Variants in TG observed in about 807,000 individuals in gnomAD.
The protein encoded by TG is thyroid hormones.
TG carries 270 observed loss-of-function variants against 324.7 expected under a neutral mutation model. The observed-to-expected ratio is 0.83, with a 90% confidence interval of 0.75 to 0.92. The LOEUF is 0.92. Ranked by LOEUF, TG falls within the 40% of genes least tolerant of loss-of-function variation. The pLI, the probability that TG is intolerant of heterozygous loss-of-function variation, is 0.00. For synonymous variants in TG, 1,401 were observed against 1,327.0 expected (o/e 1.06, Z -1.21); for missense variants, 3,591 against 3,456.4 (o/e 1.04, Z -0.98).
intron 43 of TG, among the ~76,000 whole-genome samples, chr8:133,100,559 A>G (rs1229427965): frequency 6.6e-6 from 1 of 152,204 alleles, no homozygotes; most frequent in Non-Finnish European, 1.5e-5. Context: ...GAAATAATTC[A>G]CCCTCACAAC....
chr8:133,097,613 A>G (rs528998552), intron 43 of TG, among the ~76,000 whole-genome samples: 2 of 152,372 alleles, frequency 1.3e-5, no homozygotes, highest in South Asian at 4.1e-4. Context: ...ACCAACCTGT[A>G]TATATCTTTA....
chr8:132,878,219 G>T (rs772412444), intron 5 of TG, among the ~76,000 whole-genome samples: 4 of 152,082 alleles, frequency 2.6e-5, no homozygotes, highest in Non-Finnish European at 4.4e-5. Context: ...TTGGTTCCTC[G>T]GGTCCTCATG....
At chr8:133,091,677 T>C (rs1847559780) in intron 41 of TG, among the ~76,000 whole-genome samples, 1 of 152,086 alleles carries the variant, frequency 6.6e-6, no homozygotes, top group African/African-American at 2.4e-5. Flanking sequence ...CGTGTGTGTC[T>C]CTGTGACTGT....
rs909277410 is a variant in TG at position 133,059,334 on chromosome 8, A to G, written c.7239+29311A>G. 6 of 357,116 alleles carry G rather than the reference A, an allele frequency of 1.7e-5. No individual in the cohort carries two copies. In the East Asian group the frequency reaches 4.4e-4, roughly 26 times the overall value. 22.1% of individuals were successfully genotyped at this position (357,116 alleles called of 1,614,324 possible). A position where few individuals can be genotyped will look rare whatever the true frequency, so the allele number is the denominator to read the frequency against. ...AGAATTATGGACTAGGAATCTGAGGAAATAAAGGTCAGGCCATTAGAAGGG... is the reference window on the plus strand; with the variant it reads ...AGAATTATGGACTAGGAATCTGAGGGAATAAAGGTCAGGCCATTAGAAGGG... On this transcript the variant is annotated intron_variant, in intron 41 of 47. Transcript: ENST00000220616.
At chr8:132,906,984 C>G in intron 17 of TG, 84 bp downstream of exon 17, 6 of 1,404,960 alleles carry the variant, frequency 4.3e-6, no homozygotes, top group East Asian at 5.0e-5. Flanking sequence ...CGTGGCTGCT[C>G]CATTTCCCCA....
In TG at chr8:133,013,616, G is replaced by A. The variant is rs1297682741; in HGVS notation, c.6414G>A (p.Glu2138=). The stretch of plus-strand genomic sequence containing the variant: ...TTTCTGCAGAATGTTCCCAACATGA[G>A]GCCTGTCTCATCACCACTCTGCAAA... ...DLCLSECSQH[E]ACLITTLQTQ... is the part of the protein sequence containing the mutation. The change falls in exon 37 of 48, where the codon GAG becomes GAA. Residue 2138 remains glutamate (E), a synonymous_variant. Coordinates refer to ENST00000220616, the MANE Select transcript of TG (RefSeq NM_003235.5). The A allele has an allele frequency of 6.2e-6, 10 of 1,614,214 alleles. No individual in the cohort carries two copies. Among genetic ancestry groups the A allele is most frequent in the Non-Finnish European group, 8.5e-6 (10 of 1,180,050 alleles).
At chr8:132,967,156 C>G (rs113344307) in intron 30 of TG, among the ~76,000 whole-genome samples, 10 of 142,718 alleles carry the variant, frequency 7.0e-5, no homozygotes, top group Admixed American at 5.5e-4. Flanking sequence ...CATCCATCCA[C>G]CCATCCAACC....
chr8:133,050,894 G>A (rs1482063424), intron 41 of TG: 2 of 1,613,126 alleles, frequency 1.2e-6, no homozygotes, highest in Non-Finnish European at 1.7e-6. Flanking sequence ...ACTTAGCACG[G>A]CAAGGAAGTC....
chr8:132,908,394 G>C, intron 18 of TG, 54 bp downstream of exon 18: 1 of 1,606,856 alleles, frequency 6.2e-7, no homozygotes. Flanking sequence ...CAGGGTTACG[G>C]TGTCAGAAAA....
chr8:132,978,322 AG>A (rs1435887246), intron 34 of TG, among the ~76,000 whole-genome samples: 1 of 152,194 alleles, frequency 6.6e-6, no homozygotes, highest in African/African-American at 2.4e-5. Flanking sequence ...CTGCGAGGAC[AG>A]TACCAAGCCA....
intron 22 of TG, among the ~76,000 whole-genome samples, chr8:132,924,785 C>T (rs1488786449): frequency 6.6e-6 from 1 of 152,144 alleles, no homozygotes; most frequent in African/African-American, 2.4e-5. Flanking sequence ...TCAGTTTCCC[C>T]CGTTGTAAGA....
chr8:132,899,653 T>A (rs979451594), intron 14 of TG, among the ~76,000 whole-genome samples: 14 of 152,228 alleles, frequency 9.2e-5, no homozygotes, highest in Non-Finnish European at 1.3e-4. Context: ...TTTAGTTTTT[T>A]AATCTTGGCT....
Position 132,923,485 on chromosome 8 carries a change from C to G in TG, c.4676C>G (p.Pro1559Arg), listed in dbSNP as rs1821391409. Residue 1559 changes from proline (P) to arginine (R), a missense_variant, in exon 22 of 48, where the codon CCT becomes CGT. Pro to Arg is a moderately radical substitution (Grantham distance 103). Coordinates refer to ENST00000220616, the MANE Select transcript of TG (RefSeq NM_003235.5). ...RRLPWWETEA[P>R]LEDSQCLMMQ... The stretch of plus-strand genomic sequence containing the variant: ...CTGCCATGGTGGGAAACAGAGGCCC[C>G]TCTTGAGGACTCACAGTGTTTGAGT... The G allele has an allele frequency of 1.2e-6, 2 of 1,613,910 alleles. No homozygotes were observed. Among genetic ancestry groups the G allele is most frequent in the Admixed American group, 1.7e-5 (1 of 59,998 alleles).
chr8:133,015,913 GCTCTTTTTTTCCTCTTT>G (rs1289850810), intron 37 of TG, among the ~76,000 whole-genome samples: 1 of 152,122 alleles, frequency 6.6e-6, no homozygotes, highest in African/African-American at 2.4e-5. Flanking sequence ...GGCTTCATTT[GCTCTTTTTTTCCTCTTT>G]CTCTTTTTTT....
intron 45 of TG, among the ~76,000 whole-genome samples, chr8:133,122,258 G>A (rs561673502): frequency 6.6e-6 from 1 of 152,200 alleles, no homozygotes; most frequent in Non-Finnish European, 1.5e-5. Flanking sequence ...TATGGGGAAA[G>A]AATAGGCATA....
chr8:133,114,647 C>A (rs1850539785), intron 44 of TG, among the ~76,000 whole-genome samples: 1 of 152,182 alleles, frequency 6.6e-6, no homozygotes, highest in African/African-American at 2.4e-5. Context: ...TGAGGGCTCT[C>A]CAGTCCCAGT....
chr8:133,016,983 A>G (rs1367430051), intron 37 of TG, among the ~76,000 whole-genome samples: 1 of 152,226 alleles, frequency 6.6e-6, no homozygotes, highest in Non-Finnish European at 1.5e-5. Context: ...TGGACATGAA[A>G]AAATGGGCAG....
At chr8:133,044,426 C>T (rs761395646) in intron 41 of TG, among the ~76,000 whole-genome samples, 8 of 152,108 alleles carry the variant, frequency 5.3e-5, no homozygotes, top group Non-Finnish European at 5.9e-5. Flanking sequence ...AAATGTAATT[C>T]TTAGTCTTTA....
At chr8:132,917,082 C>CTTCCTTCA (rs527581820) in intron 20 of TG, among the ~76,000 whole-genome samples, 23,428 of 107,334 alleles carry the variant, frequency 0.22, 4,657 homozygotes, top group Admixed American at 0.31. Flanking sequence ...TCCTTCCTTC[C>CTTCCTTCA]TTCCCTTACT....
Sources: gnomAD v4.1 joint callset for allele counts (sites outside exome capture counted in the v4.1 genomes callset) on GRCh38, gnomAD v4.1.1 for gene constraint, MANE v1.5 for transcripts, NCBI Gene and HGNC (gene_info 2026-07-23, HGNC 2026-07-21) for gene names.